The following LDAH variants were observed in gnomAD, a reference collection of about 807,000 sequenced individuals.
The protein encoded by LDAH is lipid droplet-associated hydrolase.
LDAH carries 26 observed loss-of-function variants against 29.6 expected under a neutral mutation model. That is an observed-to-expected ratio of 0.88 (90% confidence interval 0.64 to 1.22). The LOEUF is 1.22. LDAH is among the 50% of genes most tolerant of loss of function. LDAH has a pLI of 0.00. For missense variants in LDAH, 344 were observed against 387.3 expected, an observed-to-expected ratio of 0.89 and a Z score of 0.94; for synonymous variants, 117 against 133.0, an observed-to-expected ratio of 0.88 and a Z score of 0.83.
At chr2:20,737,587 A>C (rs537135213) in intron 5 of LDAH, among the ~76,000 whole-genome samples, 1 of 152,308 alleles carries the variant, frequency 6.6e-6, no homozygotes, top group African/African-American at 2.4e-5. Flanking sequence ...CTCTTGATTT[A>C]GTCAACAACT....
intron 5 of LDAH, among the ~76,000 whole-genome samples, chr2:20,723,388 A>C (rs1324538557): frequency 6.6e-6 from 1 of 152,174 alleles, no homozygotes; most frequent in East Asian, 1.9e-4. Flanking sequence ...GGTGGCAGTT[A>C]ATAGAAGTTT....
intron 5 of LDAH, among the ~76,000 whole-genome samples, chr2:20,735,043 G>A (rs533702215): frequency 6.6e-6 from 1 of 152,298 alleles, no homozygotes; most frequent in Non-Finnish European, 1.5e-5. Context: ...TCTTCTGGCT[G>A]CTTTCAAGAC....
chr2:20,752,191 C>T (rs1361265676), intron 4 of LDAH, among the ~76,000 whole-genome samples: 1 of 143,788 alleles, frequency 7.0e-6, no homozygotes, highest in Non-Finnish European at 1.5e-5. Context: ...TGTGCCTGGT[C>T]AAGACAGTAG....
chr2:20,738,991 C>CA (rs1222412376), intron 5 of LDAH, among the ~76,000 whole-genome samples: 2 of 152,214 alleles, frequency 1.3e-5, no homozygotes, highest in Non-Finnish European at 2.9e-5. Context: ...AGGGCAACAG[C>CA]ACCAGCTATG....
Position 20,684,940 on chromosome 2 carries a change from G to A in LDAH, c.*1963C>T. ...TTCTTCCACCTATGAAAAAAGCAAT[G>A]AGAAAGGTGGCTTTTCACTTTAAAA... On this transcript the variant is annotated 3_prime_UTR_variant, in exon 7 of 7. Transcript: ENST00000237822. 6.5e-7 allele frequency: 1 copy of A among 1,549,650 alleles called. No homozygotes were observed. Among genetic ancestry groups the A allele is most frequent in the African/African-American group, 1.4e-5 (1 of 73,104 alleles).
At chr2:20,731,327 T>C (rs1666387150) in intron 5 of LDAH, among the ~76,000 whole-genome samples, 1 of 152,184 alleles carries the variant, frequency 6.6e-6, no homozygotes, top group South Asian at 2.1e-4. Context: ...TCTGGTTGTT[T>C]AAAGTGTGTG....
chr2:20,691,845 T>C (rs1663053866), intron 6 of LDAH, among the ~76,000 whole-genome samples: 3 of 152,208 alleles, frequency 2.0e-5, no homozygotes, highest in Admixed American at 2.0e-4. Flanking sequence ...TCCTCCTGTG[T>C]TTTCTGCAGG....
chr2:20,701,758 T>G, intron 5 of LDAH, 106 bp from the exon 6 acceptor site: 386 of 863,524 alleles, frequency 4.5e-4, no homozygotes, highest in Non-Finnish European at 6.6e-4. Context: ...TGGCACGTGC[T>G]ATCTGATGAG....
chr2:20,778,883 C>A (rs1032840497), intron 3 of LDAH, among the ~76,000 whole-genome samples: 11 of 151,436 alleles, frequency 7.3e-5, no homozygotes, highest in Admixed American at 4.0e-4. Flanking sequence ...TGAATCCAAG[C>A]AAAACAGTTT....
intron 4 of LDAH, among the ~76,000 whole-genome samples, chr2:20,753,531 C>T (rs1336869191): frequency 1.3e-5 from 2 of 152,178 alleles, no homozygotes; most frequent in South Asian, 2.1e-4. Flanking sequence ...TTTACTTCTT[C>T]GTTTGTTGGT....
intron 4 of LDAH, among the ~76,000 whole-genome samples, chr2:20,762,662 G>A (rs573053044): frequency 6.6e-6 from 1 of 152,208 alleles, no homozygotes; most frequent in South Asian, 2.1e-4. Flanking sequence ...ATTGTGGTAG[G>A]CACACACTTT....
At chr2:20,696,180 C>T (rs1376503110) in intron 6 of LDAH, among the ~76,000 whole-genome samples, 1 of 152,150 alleles carries the variant, frequency 6.6e-6, no homozygotes, top group Non-Finnish European at 1.5e-5. Context: ...GTGAGCTGGT[C>T]CAGGGAGCAT....
intron 3 of LDAH, among the ~76,000 whole-genome samples, chr2:20,784,916 A>T (rs1466113811): frequency 1.3e-5 from 2 of 152,096 alleles, no homozygotes; most frequent in East Asian, 3.9e-4. Context: ...AAAAAACACA[A>T]GTTCATCTGA....
At position 20,693,392 on chromosome 2, in the gene LDAH, A is replaced by C. The variant is rs144021977; in HGVS notation, c.787-6298T>G. 5.7e-3 allele frequency among the ~76,000 whole-genome samples: 875 copies of C among 152,368 alleles called. 6 individuals carry two copies. The highest frequency in any genetic ancestry group is 0.02 in the African/African-American group (839 of 41,590). ...TTTGACATAGGCTCAGAAAATGTAT[A>C]AGTATTAAACATTTTTTAAAATATA... On this transcript the variant is annotated intron_variant, in intron 6 of 6. Coordinates refer to ENST00000237822, the MANE Select transcript of LDAH (RefSeq NM_021925.4).
chr2:20,819,741 A>G (rs1673117531), intron 1 of LDAH, among the ~76,000 whole-genome samples: 1 of 152,206 alleles, frequency 6.6e-6, no homozygotes, highest in Admixed American at 6.5e-5. Flanking sequence ...CCTATTCAAC[A>G]TAGTGTTGGA....
At chr2:20,755,928 C>T (rs1020526452) in intron 4 of LDAH, among the ~76,000 whole-genome samples, 10 of 152,120 alleles carry the variant, frequency 6.6e-5, no homozygotes, top group African/African-American at 2.4e-4. Flanking sequence ...GAATACCACA[C>T]CAAAAAAAGT....
intron 4 of LDAH, among the ~76,000 whole-genome samples, chr2:20,768,797 A>G (rs1572587953): frequency 6.6e-6 from 1 of 152,134 alleles, no homozygotes. Context: ...TCCCTGGGCA[A>G]TTTTATCCCT....
chr2:20,780,384 C>T (rs1391081153), intron 3 of LDAH, among the ~76,000 whole-genome samples: 4 of 151,978 alleles, frequency 2.6e-5, no homozygotes, highest in African/African-American at 7.3e-5. Flanking sequence ...GCAAGGAGAA[C>T]ATAATGTTAT....
intron 3 of LDAH, among the ~76,000 whole-genome samples, chr2:20,777,113 T>G (rs908331761): frequency 1.3e-4 from 20 of 152,230 alleles, no homozygotes; most frequent in Non-Finnish European, 2.9e-4. Context: ...TTCCTGTTAT[T>G]TAAGTCCTCC....
Sources: gnomAD v4.1 joint callset for allele counts (sites outside exome capture counted in the v4.1 genomes callset) on GRCh38, gnomAD v4.1.1 for gene constraint, MANE v1.5 for transcripts, NCBI Gene and HGNC (gene_info 2026-07-23, HGNC 2026-07-21) for gene names.